The following CIMIP6 variants were observed in gnomAD, a reference collection of about 807,000 sequenced individuals.
CIMIP6 encodes uncharacterized protein C2orf73.
the CIMIP6 span, among the ~76,000 whole-genome samples, chr2:54,335,242 G>A: frequency 1.5e-4 from 23 of 152,264 alleles, no homozygotes; most frequent in South Asian, 6.2e-4. Flanking sequence ...TGTTTCCCTA[G>A]ATTGGGTCAG....
chr2:54,360,609 T>A, the CIMIP6 span: 4 of 1,433,550 alleles, frequency 2.8e-6, no homozygotes, highest in Non-Finnish European at 3.7e-6. Flanking sequence ...ATAGGGAAAT[T>A]TCACAATCAT....
the CIMIP6 span, among the ~76,000 whole-genome samples, chr2:54,341,025 G>A: frequency 0.26 from 40,263 of 152,056 alleles, 6,090 homozygotes; most frequent in Non-Finnish European, 0.34. Context: ...CTAGTGGTTC[G>A]CTTATCCCAG....
At chr2:54,337,036 G>T in the CIMIP6 span, among the ~76,000 whole-genome samples, 1 of 152,156 alleles carries the variant, frequency 6.6e-6, no homozygotes, top group African/African-American at 2.4e-5. Context: ...CACAGCAAAG[G>T]TAATAATTTC....
chr2:54,378,041 T>C, the CIMIP6 span, among the ~76,000 whole-genome samples: 51 of 152,280 alleles, frequency 3.3e-4, 1 homozygote, highest in Middle Eastern at 3.4e-3. Flanking sequence ...CGTTAATTGG[T>C]GGGAGCTATT....
chr2:54,341,004 T>C, the CIMIP6 span, among the ~76,000 whole-genome samples: 73 of 152,258 alleles, frequency 4.8e-4, 1 homozygote, highest in African/African-American at 1.7e-3. Flanking sequence ...TTAAAGTCCA[T>C]CAGCCATTTC....
chr2:54,349,312 T>C, the CIMIP6 span, among the ~76,000 whole-genome samples: 1 of 152,068 alleles, frequency 6.6e-6, no homozygotes, highest in Non-Finnish European at 1.5e-5. Flanking sequence ...GAGTGGGATT[T>C]AAGAGAAAAA....
At chr2:54,337,488 T>A in the CIMIP6 span, among the ~76,000 whole-genome samples, 1 of 152,224 alleles carries the variant, frequency 6.6e-6, no homozygotes, top group African/African-American at 2.4e-5. Flanking sequence ...GTTCTTACAT[T>A]TCTTACAAAG....
chr2:54,359,013 A>C, the CIMIP6 span: 1 of 1,557,314 alleles, frequency 6.4e-7, no homozygotes, highest in African/African-American at 1.4e-5. Context: ...TTTATAGAAT[A>C]CATCTCTTTT....
chr2:54,334,797 T>C, the CIMIP6 span: 1 of 1,478,202 alleles, frequency 6.8e-7, no homozygotes, highest in Non-Finnish European at 9.2e-7. Context: ...GGTAAATGGT[T>C]TACTATTTAT....
the CIMIP6 span, chr2:54,330,991 GA>G: frequency 1.2e-6 from 2 of 1,613,742 alleles, no homozygotes; most frequent in Non-Finnish European, 1.7e-6. Flanking sequence ...GGAAAAGGAA[GA>G]TAAGCATCAG....
the CIMIP6 span, chr2:54,383,630 G>A: frequency 6.6e-6 from 1 of 151,654 alleles, no homozygotes; most frequent in African/African-American, 2.4e-5. Context: ...ACTTCTCATA[G>A]CATTTATTGT....
the CIMIP6 span, among the ~76,000 whole-genome samples, chr2:54,380,286 C>G: frequency 2.2e-4 from 33 of 152,310 alleles, no homozygotes; most frequent in Non-Finnish European, 4.4e-4. Flanking sequence ...ACTGATGACT[C>G]TTAGACACTA....
the CIMIP6 span, among the ~76,000 whole-genome samples, chr2:54,373,515 G>A: frequency 1.3e-5 from 2 of 152,022 alleles, no homozygotes; most frequent in Non-Finnish European, 1.5e-5. Context: ...CTTGTTCCAG[G>A]GCTTGCCAGG....
the CIMIP6 span, among the ~76,000 whole-genome samples, chr2:54,354,135 T>A: frequency 6.6e-6 from 1 of 152,156 alleles, no homozygotes; most frequent in African/African-American, 2.4e-5. Context: ...TTATAGGACC[T>A]CCTTAATTTT....
the CIMIP6 span, among the ~76,000 whole-genome samples, chr2:54,341,780 A>G: frequency 2.6e-5 from 4 of 152,164 alleles, no homozygotes; most frequent in Admixed American, 6.5e-5. Context: ...GAGCTTATAT[A>G]AGTAAGACAA....
At chr2:54,353,737 G>C in the CIMIP6 span, among the ~76,000 whole-genome samples, 1 of 152,100 alleles carries the variant, frequency 6.6e-6, no homozygotes, top group Non-Finnish European at 1.5e-5. Context: ...TTTTTCAAAG[G>C]TCCTTAACTC....
At chr2:54,360,657 A>T in the CIMIP6 span, 1 of 1,182,852 alleles carries the variant, frequency 8.5e-7, no homozygotes, top group Non-Finnish European at 1.1e-6. Flanking sequence ...GTTATCAGTA[A>T]CTTCAGAACA....
chr2:54,376,295 T>C, the CIMIP6 span, among the ~76,000 whole-genome samples: 1 of 152,246 alleles, frequency 6.6e-6, no homozygotes, highest in East Asian at 1.9e-4. Flanking sequence ...ATTACAGGCA[T>C]GAGCCACAGT....
the CIMIP6 span, among the ~76,000 whole-genome samples, chr2:54,366,580 A>G: frequency 3.3e-5 from 5 of 152,318 alleles, no homozygotes; most frequent in Admixed American, 3.3e-4. Flanking sequence ...TAGACGCATA[A>G]TAGTGAAACC....
Sources: allele counts gnomAD v4.1 joint callset (sites outside exome capture counted in the v4.1 genomes callset), GRCh38; gene constraint gnomAD v4.1.1; transcripts MANE v1.5; gene names NCBI Gene and HGNC (gene_info 2026-07-23, HGNC 2026-07-21).